Variants in TENM2 observed in about 807,000 individuals in gnomAD.
The protein encoded by TENM2 is teneurin-2.
A neutral mutation model predicts 245.2 loss-of-function variants in TENM2; 52 were observed. That is an observed-to-expected ratio of 0.21 (90% CI 0.17 to 0.27). The LOEUF (loss-of-function observed/expected upper bound fraction) is 0.27, where lower values mean the gene tolerates loss of function less well. Among genes scored for constraint, TENM2 ranks in the 10% least tolerant of loss-of-function variants. The pLI is 1.00. For missense variants in TENM2, 3,046 were observed against 3,666.8 expected (o/e 0.83, Z 4.37); for synonymous variants, 1,363 against 1,438.9 (o/e 0.95, Z 1.19).
intron 6 of TENM2, among the ~76,000 whole-genome samples, chr5:168,050,480 C>A (rs576050401): frequency 2.6e-5 from 4 of 152,070 alleles, no homozygotes; most frequent in African/African-American, 9.6e-5. Context: ...ATAACACCGC[C>A]TCCTTTTTTT....
intron 2 of TENM2, among the ~76,000 whole-genome samples, chr5:167,817,020 G>T (rs749238122): frequency 5.9e-5 from 9 of 152,310 alleles, no homozygotes; most frequent in Non-Finnish European, 1.0e-4. Context: ...GTTACAACTT[G>T]ATTTGGTTGA....
At chr5:167,860,954 C>T (rs1771735031) in intron 2 of TENM2, among the ~76,000 whole-genome samples, 1 of 126,730 alleles carries the variant, frequency 7.9e-6, no homozygotes, top group Admixed American at 8.1e-5. Flanking sequence ...CCTTTGTTCA[C>T]TTGTTTATCT....
intron 2 of TENM2, among the ~76,000 whole-genome samples, chr5:167,680,705 C>A (rs1260516158): frequency 6.6e-6 from 1 of 152,088 alleles, no homozygotes; most frequent in Non-Finnish European, 1.5e-5. Context: ...CTGGACTGAA[C>A]CCAATAATGC....
At chr5:167,682,197 C>T (rs904044267) in intron 2 of TENM2, among the ~76,000 whole-genome samples, 1 of 147,396 alleles carries the variant, frequency 6.8e-6, no homozygotes, top group Non-Finnish European at 1.5e-5. Flanking sequence ...TTCTTTTGCT[C>T]TGTTGCCCAG....
In TENM2 at chr5:167,452,961, A is replaced by ATATATATATATATATATAT. The variant is rs1561968262; in HGVS notation, c.502+77489_502+77490insATATATATATATATATATT. ...TATATATATATATATATATATATAT[A>ATATATATATATATATATAT]TTTAAAAAAAAAAACACTGGTATGG... On this transcript the variant is annotated intron_variant, in intron 2 of 28. Transcript: ENST00000518659. 1.4e-4 allele frequency among the ~76,000 whole-genome samples: 11 copies of ATATATATATATATATATAT among 77,070 alleles called. No homozygotes were observed. The South Asian group carries it at 1.4e-3, about 10-fold the overall frequency. The allele number at this position is 77,070 out of a possible 152,430, so 50.6% of individuals were successfully genotyped here.
chr5:167,344,582 A>G (rs974109731), intron 1 of TENM2, among the ~76,000 whole-genome samples: 1 of 152,188 alleles, frequency 6.6e-6, no homozygotes, highest in African/African-American at 2.4e-5. Flanking sequence ...ATGATACCAA[A>G]AAATGAAAAT....
At chr5:167,078,700 T>G in the TENM2 span, among the ~76,000 whole-genome samples, 1 of 152,200 alleles carries the variant, frequency 6.6e-6, no homozygotes, top group Admixed American at 6.5e-5. Flanking sequence ...ATGGCAAGCC[T>G]CTGGTCACAA....
chr5:167,534,271 C>T (rs1317585131), intron 2 of TENM2, among the ~76,000 whole-genome samples: 1 of 152,142 alleles, frequency 6.6e-6, no homozygotes, highest in South Asian at 2.1e-4. Flanking sequence ...ATAAAATAGG[C>T]GTTCTAAGGG....
At chr5:168,054,998 G>A (rs1355474906) in intron 6 of TENM2, among the ~76,000 whole-genome samples, 1 of 152,150 alleles carries the variant, frequency 6.6e-6, no homozygotes, top group East Asian at 1.9e-4. Flanking sequence ...GGTTTGCCAT[G>A]GAAGCCCCAA....
At position 168,244,713 on chromosome 5, in the gene TENM2, C is replaced by A; in HGVS notation, c.5814C>A (p.Asp1938Glu). 6.9e-7 allele frequency: 1 copy of A among 1,447,000 alleles called. No individual in the cohort carries two copies. The highest frequency in any genetic ancestry group is 1.6e-5 in the South Asian group (1 of 64,138). 89.6% of individuals were successfully genotyped at this position (1,447,000 alleles called of 1,614,324 possible). Residue 1938 changes from aspartate to glutamate, a missense_variant, in exon 26 of 29, where the codon GAC (aspartate) becomes GAA (glutamate). Around this residue, in one of 2 missense-constraint regions of TENM2, gnomAD observed 2,704 missense variants for 3,331.9 expected, o/e 0.81. Transcript: ENST00000518659. The surrounding 1 kb of genome is among the most constrained non-coding windows in gnomAD (Gnocchi z 4.9). ...AAGTGTGGAGCTACTCCTACCTTGA[C>A]AAGGTAGGTGAACATGCTGCCCTGA...
intron 2 of TENM2, among the ~76,000 whole-genome samples, chr5:167,853,140 A>T (rs893720709): frequency 6.6e-6 from 1 of 151,510 alleles, no homozygotes; most frequent in Non-Finnish European, 1.5e-5. Context: ...TACAAAAAAA[A>T]TTAGCCGGGC....
intron 23 of TENM2, among the ~76,000 whole-genome samples, chr5:168,224,636 A>AC (rs940599420): frequency 3.3e-5 from 5 of 151,600 alleles, no homozygotes; most frequent in South Asian, 4.2e-4. Context: ...TTCTCTGAGG[A>AC]CCCCCCATCC....
At chr5:167,113,389 G>A in the TENM2 span, among the ~76,000 whole-genome samples, 4 of 152,006 alleles carry the variant, frequency 2.6e-5, no homozygotes, top group Non-Finnish European at 4.4e-5. Context: ...ACCTGTAATA[G>A]CAGCACTTTG....
the TENM2 span, among the ~76,000 whole-genome samples, chr5:167,136,675 C>T: frequency 1.3e-5 from 2 of 152,018 alleles, no homozygotes; most frequent in East Asian, 3.9e-4. Context: ...CTAAAGTGAC[C>T]AAGAGTGGTG....
chr5:167,934,924 G>T, intron 3 of TENM2: 4 of 985,496 alleles, frequency 4.1e-6, no homozygotes, highest in Non-Finnish European at 4.8e-6. Context: ...CGTCCAGGTA[G>T]GCAGAAGGAT....
At chr5:167,479,199 G>T (rs1036750135) in intron 2 of TENM2, among the ~76,000 whole-genome samples, 2 of 152,208 alleles carry the variant, frequency 1.3e-5, no homozygotes, top group Non-Finnish European at 1.5e-5. Context: ...AGTTATCATG[G>T]TTTTTTTGTA....
chr5:168,237,000 A>ATTTTTT lies in TENM2; in HGVS notation c.5521-7392_5521-7387dup, dbSNP rs1167021328. Among the ~76,000 whole-genome samples, 2 of 6,320 alleles carry ATTTTTT rather than the reference A, an allele frequency of 3.2e-4. 1 individual carries two copies. Among genetic ancestry groups the ATTTTTT allele is most frequent in the Non-Finnish European group, 4.6e-4 (2 of 4,310 alleles). The allele number at this position is 6,320 out of a possible 152,430, so 4.1% of individuals were successfully genotyped here. On this transcript the variant is annotated intron_variant, in intron 25 of 28. Transcript: ENST00000518659. ...TATATATATATATATATATATATATATTTTTTTTTTTTTTTTTTTTTTTTT... is the reference window on the plus strand; with the variant it reads ...TATATATATATATATATATATATATATTTTTTTTTTTTTTTTTTTTTTTTTTTTTTT...
rs1452844714 is a variant in TENM2 at position 167,859,634 on chromosome 5, C to T, written c.503-16352C>T. Among the ~76,000 whole-genome samples, 13 of 110,962 alleles carry T rather than the reference C, an allele frequency of 1.2e-4. No individual in the cohort carries two copies. In the East Asian group the frequency reaches 2.5e-3, roughly 21 times the overall value. 72.8% of individuals were successfully genotyped at this position (110,962 alleles called of 152,430 possible). ...GGGGTCAGCCCTCCGCCCGGCCAGC[C>T]GCCCCGTCTGGGAGGTGAGGGGTGC... is the stretch of plus-strand genomic sequence containing the variant. On this transcript the variant is annotated intron_variant, in intron 2 of 28. Transcript: ENST00000518659.
chr5:167,848,753 G>A (rs1181375285), intron 2 of TENM2, among the ~76,000 whole-genome samples: 1 of 152,144 alleles, frequency 6.6e-6, no homozygotes, highest in Non-Finnish European at 1.5e-5. Context: ...TTCCATTTAT[G>A]GTTGATTTAA....
Sources: allele counts gnomAD v4.1 joint callset (sites outside exome capture counted in the v4.1 genomes callset), GRCh38; gene constraint gnomAD v4.1.1; regional missense constraint gnomAD v4.1.1; non-coding constraint Gnocchi (gnomAD v3.1); transcripts MANE v1.5; gene names NCBI Gene and HGNC (gene_info 2026-07-23, HGNC 2026-07-21).